Variants in FRMPD3 observed in about 807,000 individuals in gnomAD.
FRMPD3 encodes the protein FERM and PDZ domain containing 3.
FRMPD3 carries 42 observed loss-of-function variants against 97.9 expected under a neutral mutation model. The observed-to-expected ratio is 0.43, with a 90% confidence interval of 0.34 to 0.55. The LOEUF (loss-of-function observed/expected upper bound fraction) is 0.55. FRMPD3 is among the 20% of genes least tolerant of loss of function. The pLI, the probability that FRMPD3 is intolerant of heterozygous loss-of-function variation, is 0.03. For missense variants in FRMPD3, 1,303 were observed against 1,457.7 expected, an observed-to-expected ratio of 0.89 and a Z score of 1.73; for synonymous variants, 577 against 581.1, an observed-to-expected ratio of 0.99 and a Z score of 0.10.
rs992085747 is a variant in FRMPD3, at chrX:107,604,370, C to G, written c.*997C>G. 1 of 108,792 alleles carries G rather than the reference C, an allele frequency of 9.2e-6. No homozygotes were observed. The highest frequency in any genetic ancestry group is 1.9e-5 in the Non-Finnish European group (1 of 52,247). The allele number at this position is 108,792 out of a possible 1,213,427, so 9.0% of individuals were successfully genotyped here. ...TGGAAGCTAGCGTGATATGTTAATC[C>G]TGAGTATATGCTTTTGGCTGTGTAT... On this transcript the variant is annotated 3_prime_UTR_variant, in exon 15 of 15. Coordinates refer to ENST00000683843, the MANE Select transcript of FRMPD3 (RefSeq NM_001388459.1).
At chrX:107,582,906 G>A (rs5962858) in intron 13 of FRMPD3, among the ~76,000 whole-genome samples, 16 of 111,665 alleles carry the variant, frequency 1.4e-4, no homozygotes, top group African/African-American at 5.2e-4. Flanking sequence ...AAAGTCAGCT[G>A]GGATTTTAAT....
chrX:107,559,340 A>G (rs1429363322), intron 8 of FRMPD3, among the ~76,000 whole-genome samples: 1 of 111,799 alleles, frequency 8.9e-6, no homozygotes, highest in Non-Finnish European at 1.9e-5. Context: ...GAGGATTTGC[A>G]TAGGTTACAT....
intron 3 of FRMPD3, among the ~76,000 whole-genome samples, chrX:107,531,250 T>C (rs1418992206): frequency 9.0e-6 from 1 of 110,668 alleles, no homozygotes; most frequent in Non-Finnish European, 1.9e-5. Context: ...CCAAATTGCA[T>C]GGGCTAACCT....
intron 1 of FRMPD3, among the ~76,000 whole-genome samples, chrX:107,520,557 G>C (rs55895360): frequency 9.0e-6 from 1 of 111,283 alleles, no homozygotes; most frequent in Non-Finnish European, 1.9e-5. Flanking sequence ...CTCCTGGGGA[G>C]GCTGAGGTGG....
intron 12 of FRMPD3, among the ~76,000 whole-genome samples, chrX:107,566,069 C>T (rs927743257): frequency 8.9e-6 from 1 of 112,731 alleles, no homozygotes; most frequent in Non-Finnish European, 1.9e-5. Flanking sequence ...TAGATCAACT[C>T]CTTCGGACTG....
Position 107,600,749 on chromosome X carries a change from G to A in FRMPD3, c.2710G>A (p.Gly904Ser), listed in dbSNP as rs778711354. The A allele has an allele frequency of 2.7e-5, 33 of 1,204,078 alleles. No individual in the cohort carries two copies. Among genetic ancestry groups the A allele is most frequent in the Non-Finnish European group, 3.7e-5 (33 of 892,006 alleles). Residue 904 changes from glycine to serine, a missense_variant, in exon 15 of 15, where the codon GGC becomes AGC. This residue lies in a region of FRMPD3 where 764 missense variants were observed against 820.2 expected (regional missense o/e 0.93). Coordinates refer to ENST00000683843, the MANE Select transcript of FRMPD3 (RefSeq NM_001388459.1). Reference sequence around the variant, plus strand: ...CCCAGTTCCTGAGGACAAAGGGCCTGGCCACACTAGGGCAGGCCTAGAAAT... The same window carrying A: ...CCCAGTTCCTGAGGACAAAGGGCCTAGCCACACTAGGGCAGGCCTAGAAAT... ...LSPVPEDKGP[G>S]HTRAGLEMSL...
chrX:107,475,535 G>A (rs1921176510), intron 1 of FRMPD3, among the ~76,000 whole-genome samples: 2 of 112,438 alleles, frequency 1.8e-5, no homozygotes, highest in African/African-American at 6.5e-5. Flanking sequence ...GAATATTTGA[G>A]GATGGGCAGA....
chrX:107,506,788 C>T (rs1922039605), intron 1 of FRMPD3, among the ~76,000 whole-genome samples: 2 of 112,009 alleles, frequency 1.8e-5, no homozygotes, highest in Admixed American at 9.4e-5. Flanking sequence ...CCACCTCAGC[C>T]GCGGCTCTAG....
At chrX:107,504,537 A>C (rs1184106899) in intron 1 of FRMPD3, among the ~76,000 whole-genome samples, 3 of 111,997 alleles carry the variant, frequency 2.7e-5, no homozygotes, top group Non-Finnish European at 5.6e-5. Context: ...GAAATTTGGG[A>C]AATTGTCTTG....
chrX:107,576,518 A>T, intron 13 of FRMPD3, 59 bp downstream of exon 13: 2 of 1,151,933 alleles, frequency 1.7e-6, no homozygotes, highest in Non-Finnish European at 2.3e-6. Context: ...CCCTGAAGAC[A>T]TGGAGGGAAG....
At chrX:107,501,868 T>G (rs2147529414) in intron 1 of FRMPD3, among the ~76,000 whole-genome samples, 1 of 109,660 alleles carries the variant, frequency 9.1e-6, no homozygotes, top group South Asian at 4.1e-4. Context: ...CAAGCCTCAG[T>G]TTCCTCACTC....
rs747332403 is a variant in FRMPD3, at chrX:107,597,423, G to A, written c.1544G>A (p.Arg515His). The A allele has an allele frequency of 3.5e-5, 42 of 1,208,976 alleles. No individual in the cohort carries two copies. Among genetic ancestry groups the A allele is most frequent in the Non-Finnish European group, 4.2e-5 (38 of 894,989 alleles). The change falls in exon 14 of 15, where the codon CGC becomes CAC. Residue 515 changes from arginine to histidine, a missense_variant. This residue lies in a region of FRMPD3 where 535 missense variants were observed against 618.6 expected (regional missense o/e 0.86). Transcript: ENST00000683843. ...GGCACCAGCCCCAGGAAATCGAGCC[G>A]CTGCACGCCCCCACCTGCCGACTCT... ...SVGTSPRKSS[R>H]CTPPPADSEL...
intron 4 of FRMPD3, among the ~76,000 whole-genome samples, chrX:107,538,221 G>A (rs1921091992): frequency 9.0e-6 from 1 of 111,468 alleles, no homozygotes; most frequent in African/African-American, 3.3e-5. Context: ...TGAAATATTG[G>A]AGCAACAGTT....
chrX:107,590,933 CTT>C (rs1270693466), intron 13 of FRMPD3, among the ~76,000 whole-genome samples: 1 of 111,548 alleles, frequency 9.0e-6, no homozygotes, highest in Non-Finnish European at 1.9e-5. Flanking sequence ...GTTCTCTCCT[CTT>C]TTGATTTTTG....
intron 8 of FRMPD3, among the ~76,000 whole-genome samples, chrX:107,559,892 A>G (rs922777450): frequency 1.8e-4 from 20 of 110,236 alleles, no homozygotes; most frequent in African/African-American, 5.0e-4. Context: ...GGAGCCTTGT[A>G]TGGCTTGGGG....
chrX:107,529,497 ATC>A (rs1922840754), intron 2 of FRMPD3, among the ~76,000 whole-genome samples: 1 of 111,038 alleles, frequency 9.0e-6, no homozygotes. Context: ...AGGTGGGAGA[ATC>A]TGTTGAACCT....
rs761878919 is a variant in FRMPD3 at position 107,603,346 on chromosome X, C to T, written c.5307C>T (p.Thr1769=). Residue 1769 remains threonine, a synonymous_variant, in exon 15 of 15, where the codon ACC becomes ACT. Transcript: ENST00000683843. ...PTSATVMSTF[T]HSLKTLIK is the part of the protein sequence containing the mutation. ...CGGCGACTGTTATGAGCACATTCAC[C>T]CACTCCTTAAAAACCCTTATTAAGT... 8.7e-7 allele frequency: 1 copy of T among 1,144,695 alleles called. No individual in the cohort carries two copies. The allele number at this position is 1,144,695 out of a possible 1,213,427, so 94.3% of individuals were successfully genotyped here. A position where few individuals can be genotyped will look rare whatever the true frequency, so the allele number is the denominator to read the frequency against.
chrX:107,603,774 G>C lies in FRMPD3; in HGVS notation c.*401G>C, dbSNP rs752273343. The C allele has an allele frequency of 1.5e-5, 2 of 136,364 alleles. No individual in the cohort carries two copies. The highest frequency in any genetic ancestry group is 2.9e-5 in the Non-Finnish European group (2 of 68,655). 11.2% of individuals were successfully genotyped at this position (136,364 alleles called of 1,213,427 possible). On this transcript the variant is annotated 3_prime_UTR_variant, in exon 15 of 15. Transcript: ENST00000683843. ...CAGGCTTTGAGCTCCTCGTGGCATC[G>C]GCTCCCCTGCTGGGAGCAGTGGCAG...
Position 107,552,766 on chromosome X carries a change from C to T in FRMPD3, c.511-29C>T, listed in dbSNP as rs1921918793. On this transcript the variant is annotated intron_variant, in intron 6 of 14. Transcript: ENST00000683843. The stretch of plus-strand genomic sequence containing the variant: ...AATAGCTTAGGGCCAGAACTAATCT[C>T]CCTCTCAAGGCTCTTTTCTGTCCCA... 3.3e-6 allele frequency: 4 copies of T among 1,201,823 alleles called. No individual in the cohort carries two copies. In the East Asian group the frequency reaches 1.2e-4, roughly 36 times the overall value.
Sources: gnomAD v4.1 joint callset for allele counts (sites outside exome capture counted in the v4.1 genomes callset) on GRCh38, gnomAD v4.1.1 for gene constraint, gnomAD v4.1.1 regional missense constraint, MANE v1.5 for transcripts, NCBI Gene and HGNC (gene_info 2026-07-23, HGNC 2026-07-21) for gene names.